The following CLVS1 variants were observed in gnomAD, a reference collection of about 807,000 sequenced individuals.
The protein encoded by CLVS1 is clavesin 1.
CLVS1 carries 10 observed loss-of-function variants against 33.1 expected under a neutral mutation model. The observed-to-expected ratio is 0.30, with a 90% confidence interval of 0.19 to 0.51. CLVS1 has a LOEUF of 0.51. CLVS1 is among the 20% of genes least tolerant of loss of function. The pLI is 0.97. For missense variants in CLVS1, 343 were observed against 433.4 expected (o/e 0.79, Z 1.85); for synonymous variants, 163 against 166.1 (o/e 0.98, Z 0.14).
At chr8:61,484,807 G>T (rs1803810831) in intron 5 of CLVS1, among the ~76,000 whole-genome samples, 1 of 152,150 alleles carries the variant, frequency 6.6e-6, no homozygotes, top group South Asian at 2.1e-4. Context: ...ACAACCACCT[G>T]ATCTTTGACA....
At chr8:61,027,455 A>T in the CLVS1 span, among the ~76,000 whole-genome samples, 1 of 152,204 alleles carries the variant, frequency 6.6e-6, no homozygotes, top group African/African-American at 2.4e-5. Flanking sequence ...AATTAAGGAA[A>T]TTAATAAAAT....
chr8:61,435,633 A>C (rs1340972506), intron 3 of CLVS1, among the ~76,000 whole-genome samples: 2 of 152,102 alleles, frequency 1.3e-5, no homozygotes, highest in East Asian at 3.9e-4. Context: ...AGTAAAAAAA[A>C]AAAAAAAAAT....
the CLVS1 span, among the ~76,000 whole-genome samples, chr8:61,036,790 T>C: frequency 9.5e-4 from 145 of 152,234 alleles, no homozygotes; most frequent in Non-Finnish European, 1.4e-3. Context: ...AAGATTATGA[T>C]ATGACTTTTT....
Position 61,074,406 on chromosome 8 carries a change from T to G in CLVS1, c.-243+17176T>G, listed in dbSNP as rs1467635765. Among the ~76,000 whole-genome samples, 2 of 145,022 alleles carry G rather than the reference T, an allele frequency of 1.4e-5. 1 individual carries two copies. The highest frequency in any genetic ancestry group is 3.9e-4 in the East Asian group (2 of 5,096). On this transcript the variant is annotated intron_variant, in intron 1 of 2. Transcript: ENST00000522621. ...TATGTGTATATATATATGTTATATA[T>G]ATATAAGTATATGTGTATATATATA...
At chr8:61,127,173 A>T (rs1367369813) in intron 1 of CLVS1, among the ~76,000 whole-genome samples, 4 of 151,864 alleles carry the variant, frequency 2.6e-5, no homozygotes, top group Non-Finnish European at 5.9e-5. Context: ...TCAACTTTGA[A>T]TTAAGCCTCA....
At chr8:61,086,152 G>A (rs1442898163) in intron 1 of CLVS1, among the ~76,000 whole-genome samples, 1 of 150,408 alleles carries the variant, frequency 6.6e-6, no homozygotes, top group East Asian at 1.9e-4. Context: ...GCTTGAACCC[G>A]GGAGGCAGAG....
Position 61,376,758 on chromosome 8 carries a change from A to T in CLVS1, c.609A>T (p.Lys203Asn), listed in dbSNP as rs1813660652. 1.9e-6 allele frequency: 3 copies of T among 1,614,038 alleles called. No homozygotes were observed. The highest frequency in any genetic ancestry group is 2.5e-6 in the Non-Finnish European group (3 of 1,179,942). ...QASKLTPSIL[K>N]LAIEGLQDSF... is the part of the protein sequence containing the mutation. ...CCAAACTGACACCTTCAATCCTTAA[A>T]CTGGCCATTGAAGGGTTGCAGGTAT... The change falls in exon 3 of 6, where the codon AAA becomes AAT. Residue 203 changes from lysine to asparagine, a missense_variant. Around this residue, in one of 4 missense-constraint regions of CLVS1, gnomAD observed 166 missense variants for 244.0 expected, o/e 0.68. Transcript: ENST00000325897.
chr8:61,288,210 A>C, intron 1 of CLVS1, 72 bp downstream of exon 1: 2 of 456,166 alleles, frequency 4.4e-6, no homozygotes, highest in South Asian at 1.5e-5. Context: ...TTTCGATGCC[A>C]TGGCTGCGGC....
chr8:61,068,230 T>TATAC (rs1554531456), intron 1 of CLVS1, among the ~76,000 whole-genome samples: 1 of 89,596 alleles, frequency 1.1e-5, no homozygotes, highest in African/African-American at 4.1e-5. Context: ...TATGTATGTG[T>TATAC]ATATATATAT....
rs576970092 is a variant in CLVS1, at chr8:61,191,136, G to A, written c.-152+59276G>A. Among the ~76,000 whole-genome samples, 19 of 152,208 alleles carry A rather than the reference G, an allele frequency of 1.2e-4. No homozygotes were observed. In the South Asian group the frequency reaches 1.7e-3, roughly 13 times the overall value. ...ATGCAAAAATCCTCAATAAAATACC[G>A]GAAAACTGAATCCAGCAATACATCA... On this transcript the variant is annotated intron_variant, in intron 2 of 2. Coordinates refer to the CLVS1 transcript ENST00000522621.
intron 1 of CLVS1, among the ~76,000 whole-genome samples, chr8:61,083,477 A>G (rs1003996975): frequency 2.0e-5 from 3 of 152,168 alleles, no homozygotes; most frequent in Admixed American, 1.3e-4. Flanking sequence ...GGGGTTTGGG[A>G]GCCAGAGGCA....
intron 1 of CLVS1, among the ~76,000 whole-genome samples, chr8:61,118,282 G>T (rs1740142929): frequency 6.6e-6 from 1 of 151,892 alleles, no homozygotes; most frequent in African/African-American, 2.4e-5. Flanking sequence ...TATTAGTCTT[G>T]CTAGCGGTCT....
At chr8:61,308,146 A>T (rs1284186475) in intron 2 of CLVS1, among the ~76,000 whole-genome samples, 2 of 152,208 alleles carry the variant, frequency 1.3e-5, no homozygotes, top group African/African-American at 4.8e-5. Context: ...TCAGCTGCAT[A>T]GTCTTTATGG....
chr8:61,273,528 G>A (rs950984312), intron 2 of CLVS1, among the ~76,000 whole-genome samples: 3 of 152,260 alleles, frequency 2.0e-5, no homozygotes, highest in African/African-American at 7.2e-5. Context: ...CCCAGTTGGA[G>A]CTTCCCAGCT....
intron 3 of CLVS1, among the ~76,000 whole-genome samples, chr8:61,403,928 A>G (rs1162805662): frequency 6.6e-6 from 1 of 151,988 alleles, no homozygotes; most frequent in African/African-American, 2.4e-5. Context: ...AGGCTTCAGG[A>G]AATGAAGTGG....
intron 2 of CLVS1, among the ~76,000 whole-genome samples, chr8:61,222,671 T>C (rs1407947360): frequency 1.3e-5 from 2 of 152,124 alleles, no homozygotes; most frequent in Non-Finnish European, 2.9e-5. Context: ...GGGTAGAGAG[T>C]TCGGTAGACA....
chr8:60,969,491 A>G, the CLVS1 span, among the ~76,000 whole-genome samples: 3 of 152,228 alleles, frequency 2.0e-5, no homozygotes, highest in East Asian at 5.8e-4. Flanking sequence ...TTTAATATTA[A>G]TGCTTGTCAG....
chr8:61,273,763 G>C (rs1021111740), intron 2 of CLVS1, among the ~76,000 whole-genome samples: 1 of 152,206 alleles, frequency 6.6e-6, no homozygotes, highest in Non-Finnish European at 1.5e-5. Flanking sequence ...TCCAGGTGCT[G>C]CCCATCACCC....
chr8:61,372,123 T>C (rs57985758), intron 2 of CLVS1, among the ~76,000 whole-genome samples: 6,967 of 152,264 alleles, frequency 0.046, 328 homozygotes, highest in African/African-American at 0.12. Flanking sequence ...TGTTAGTTCA[T>C]TTTGATACAA....
Sources: gnomAD v4.1 joint callset for allele counts (sites outside exome capture counted in the v4.1 genomes callset) on GRCh38, gnomAD v4.1.1 for gene constraint, gnomAD v4.1.1 regional missense constraint, MANE v1.5 for transcripts, NCBI Gene and HGNC (gene_info 2026-07-23, HGNC 2026-07-21) for gene names.